SHOC2: variants seen among roughly 807,000 people sequenced by gnomAD.
SHOC2 encodes leucine-rich repeat protein SHOC-2.
In SHOC2, 4 loss-of-function variants were observed where a neutral mutation model predicts 50.2. That is an observed-to-expected ratio of 0.08 (90% CI 0.04 to 0.18). SHOC2 has a LOEUF of 0.18. Among genes scored for constraint, SHOC2 ranks in the 10% least tolerant of loss-of-function variants. The pLI is 1.00. For synonymous variants in SHOC2, 218 were observed against 244.5 expected, an observed-to-expected ratio of 0.89 and a Z score of 1.01; for missense variants, 388 against 669.6, an observed-to-expected ratio of 0.58 and a Z score of 4.64.
At chr10:110,932,690 A>G (rs1844741948) in intron 1 of SHOC2, among the ~76,000 whole-genome samples, 1 of 152,090 alleles carries the variant, frequency 6.6e-6, no homozygotes, top group African/African-American at 2.4e-5. Flanking sequence ...CTAACCTCCA[A>G]GGCTAATTCA....
intron 4 of SHOC2, 86 bp downstream of exon 4, chr10:111,000,631 A>C (rs941567253): frequency 8.2e-7 from 1 of 1,217,298 alleles, no homozygotes; most frequent in Non-Finnish European, 1.2e-6. Context: ...TAGCAGGGTA[A>C]ATAATTTGGT....
At position 110,964,899 on chromosome 10, in the gene SHOC2, CTG is replaced by C; in HGVS notation, c.542_543del (p.Leu181GlnfsTer9). 1 of 1,613,958 alleles carries C rather than the reference CTG, an allele frequency of 6.2e-7. No individual in the cohort carries two copies. Reference protein sequence around the residue: ...LRMLDLRHNKLREIPSVVYRL... With the variant: ...LRMLDLRHNKXREIPSVVYRL... ...GATGCTTGATTTACGGCATAATAAACTGAGAGAAATTCCTTCAGTGGTGTATA... is the reference window on the plus strand; with the variant it reads ...GATGCTTGATTTACGGCATAATAAACAGAGAAATTCCTTCAGTGGTGTATA... On this transcript the variant is annotated frameshift_variant, in exon 2 of 9. Coordinates refer to ENST00000369452, the MANE Select transcript of SHOC2 (RefSeq NM_007373.4). LOFTEE classifies it high-confidence loss of function. This position sits in a 1 kb window ranked among gnomAD's most constrained non-coding sequence, Gnocchi z 4.9.
chr10:110,988,765 A>G (rs1848127214), intron 3 of SHOC2, among the ~76,000 whole-genome samples: 1 of 152,074 alleles, frequency 6.6e-6, no homozygotes, highest in Non-Finnish European at 1.5e-5. Flanking sequence ...GCTTGAGGTC[A>G]TTAATTTGAG....
intron 1 of SHOC2, chr10:110,936,692 G>T: frequency 2.1e-6 from 2 of 950,404 alleles, no homozygotes; most frequent in Non-Finnish European, 3.3e-6. Flanking sequence ...GTTCCTCTTG[G>T]CCTGTTTCCG....
chr10:111,001,709 A>G (rs914543564), intron 4 of SHOC2, among the ~76,000 whole-genome samples: 4 of 152,042 alleles, frequency 2.6e-5, no homozygotes, highest in African/African-American at 9.7e-5. Flanking sequence ...TTTTCTGAGT[A>G]TGTGTGTGTG....
In SHOC2 at chr10:110,955,931, A is replaced by C. The variant is rs189675544; in HGVS notation, c.-234-8194A>C. 1.5e-3 allele frequency among the ~76,000 whole-genome samples: 221 copies of C among 152,348 alleles called. 3 individuals carry two copies. The highest frequency in any genetic ancestry group is 5.9e-4 in the Non-Finnish European group (40 of 68,034). The stretch of plus-strand genomic sequence containing the variant: ...ACAATTAAGCAAATAAAATAATTTT[A>C]GATAATTTAAAGGTCATTGTCATCA... On this transcript the variant is annotated intron_variant, in intron 1 of 8. Coordinates refer to ENST00000369452, the MANE Select transcript of SHOC2 (RefSeq NM_007373.4).
chr10:110,950,073 TAAAAGATGTG>T (rs1208422591), intron 1 of SHOC2, among the ~76,000 whole-genome samples: 1 of 152,086 alleles, frequency 6.6e-6, no homozygotes, highest in Non-Finnish European at 1.5e-5. Context: ...GAAAAAGAGA[TAAAAGATGTG>T]GAAATCAATA....
intron 1 of SHOC2, among the ~76,000 whole-genome samples, chr10:110,942,857 C>A (rs1190426562): frequency 1.3e-5 from 2 of 152,150 alleles, no homozygotes; most frequent in African/African-American, 4.8e-5. Flanking sequence ...TAAAAAAATT[C>A]TTTTAGAACT....
At chr10:110,922,943 A>G (rs1846683716) in intron 1 of SHOC2, among the ~76,000 whole-genome samples, 1 of 152,090 alleles carries the variant, frequency 6.6e-6, no homozygotes, top group Admixed American at 6.5e-5. Flanking sequence ...TGAGTACTTC[A>G]AATATTAAGT....
At chr10:110,928,154 TA>T (rs376917837) in intron 1 of SHOC2, among the ~76,000 whole-genome samples, 2 of 151,820 alleles carry the variant, frequency 1.3e-5, no homozygotes, top group African/African-American at 4.8e-5. Flanking sequence ...CTGTCTTTAC[TA>T]AAAAAACAAA....
At chr10:111,000,716 T>C (rs540006957) in intron 4 of SHOC2, among the ~76,000 whole-genome samples, 171 bp downstream of exon 4, 15 of 152,292 alleles carry the variant, frequency 9.8e-5, no homozygotes, top group African/African-American at 2.9e-4. Flanking sequence ...CAAGAAAGAA[T>C]GGGTATATGA....
chr10:110,924,182 C>T (rs1846710457), intron 1 of SHOC2, among the ~76,000 whole-genome samples: 2 of 152,174 alleles, frequency 1.3e-5, no homozygotes, highest in African/African-American at 2.4e-5. Context: ...CTGCTGAATG[C>T]CATGTGTGTC....
At chr10:111,009,452 CTT>C in intron 7 of SHOC2, 67 bp downstream of exon 7, 2 of 1,353,660 alleles carry the variant, frequency 1.5e-6, no homozygotes, top group Admixed American at 3.5e-5. Flanking sequence ...CCACATTTCT[CTT>C]AAGATTTTGA....
chr10:110,940,910 G>GTTTTTTTTTTTTTTTTTTTTTT (rs539552844), intron 1 of SHOC2, among the ~76,000 whole-genome samples: 5 of 119,484 alleles, frequency 4.2e-5, no homozygotes, highest in South Asian at 2.8e-4. Flanking sequence ...TTTGTGGTGG[G>GTTTTTTTTTTTTTTTTTTTTTT]TTTTTTTTTT....
At chr10:110,984,520 G>A (rs1387291257) in intron 2 of SHOC2, among the ~76,000 whole-genome samples, 7 of 151,846 alleles carry the variant, frequency 4.6e-5, no homozygotes, top group African/African-American at 1.2e-4. Context: ...ATCTAACATC[G>A]ATTTTTCTTT....
intron 2 of SHOC2, among the ~76,000 whole-genome samples, chr10:110,981,452 C>T (rs949996601): frequency 1.3e-5 from 2 of 152,166 alleles, no homozygotes; most frequent in Non-Finnish European, 2.9e-5. Flanking sequence ...GAGGTTTGTC[C>T]TTAGATCTCA....
At chr10:110,997,533 T>C (rs7090633) in intron 3 of SHOC2, among the ~76,000 whole-genome samples, 121,926 of 151,984 alleles carry the variant, frequency 0.8, 50,505 homozygotes, top group Non-Finnish European at 0.92. Flanking sequence ...TCATGCTTTT[T>C]CCCCCCCAAC....
intron 2 of SHOC2, among the ~76,000 whole-genome samples, chr10:110,981,822 T>G (rs1847981527): frequency 6.6e-6 from 1 of 151,684 alleles, no homozygotes; most frequent in South Asian, 2.1e-4. Flanking sequence ...TAATCCCTTT[T>G]ATATTGTTGA....
At chr10:110,945,289 A>G (rs1847225722) in intron 1 of SHOC2, among the ~76,000 whole-genome samples, 1 of 152,196 alleles carries the variant, frequency 6.6e-6, no homozygotes, top group African/African-American at 2.4e-5. Flanking sequence ...TGCTCAAGCA[A>G]TAATTTGGGG....
Sources: gnomAD v4.1 joint callset for allele counts (sites outside exome capture counted in the v4.1 genomes callset) on GRCh38, gnomAD v4.1.1 for gene constraint, Gnocchi (gnomAD v3.1) non-coding constraint, MANE v1.5 for transcripts, NCBI Gene and HGNC (gene_info 2026-07-23, HGNC 2026-07-21) for gene names.